FANCL: variants seen among roughly 807,000 people sequenced by gnomAD.
The protein encoded by FANCL is FA complementation group L, also known as E3 ubiquitin-protein ligase FANCL.
FANCL carries 69 observed loss-of-function variants against 59.4 expected under a neutral mutation model. The observed-to-expected ratio is 1.16, with a 90% confidence interval of 0.96 to 1.42. The LOEUF (loss-of-function observed/expected upper bound fraction) is 1.42. Ranked by LOEUF, FANCL falls within the 40% of genes most tolerant of loss-of-function variation. The pLI is 0.00. For missense variants in FANCL, 519 were observed against 447.2 expected, an observed-to-expected ratio of 1.16 and a Z score of -1.45; for synonymous variants, 180 against 147.1, an observed-to-expected ratio of 1.22 and a Z score of -1.62.
chr2:58,190,052 A>C (rs141692533), intron 7 of FANCL, among the ~76,000 whole-genome samples: 2,238 of 152,158 alleles, frequency 0.015, 55 homozygotes, highest in African/African-American at 0.048. Flanking sequence ...GTATCTTTAA[A>C]CAGGTGATAA....
At chr2:58,167,150 T>G (rs941359429) in intron 7 of FANCL, among the ~76,000 whole-genome samples, 2 of 152,164 alleles carry the variant, frequency 1.3e-5, no homozygotes, top group African/African-American at 2.4e-5. Flanking sequence ...AGGCAGAGGT[T>G]GCAGTGGGCC....
chr2:58,219,648 G>A (rs1692278708), intron 5 of FANCL, among the ~76,000 whole-genome samples: 1 of 151,592 alleles, frequency 6.6e-6, no homozygotes, highest in Non-Finnish European at 1.5e-5. Context: ...AAGAATCACA[G>A]GAGAACAAAA....
At chr2:58,233,085 A>G (rs1033134118) in intron 1 of FANCL, among the ~76,000 whole-genome samples, 18 of 152,076 alleles carry the variant, frequency 1.2e-4, no homozygotes, top group African/African-American at 4.1e-4. Context: ...ATGAAACAAA[A>G]TGTACTACTG....
rs1049771958 is a variant in FANCL at position 58,204,313 on chromosome 2, T to C, written c.375-87A>G. On this transcript the variant is annotated intron_variant, in intron 5 of 13. Transcript: ENST00000233741. ...GATGGTTGAATTTGAAATGAAAATA[T>C]TTGCTATATTCCTATTAATCCATTA... 1.9e-5 allele frequency: 18 copies of C among 968,252 alleles called. No individual in the cohort carries two copies. The African/African-American group carries it at 2.1e-4, about 11-fold the overall frequency. The allele number at this position is 968,252 out of a possible 1,614,324, so 60.0% of individuals were successfully genotyped here. A position where few individuals can be genotyped will look rare whatever the true frequency, so the allele number is the denominator to read the frequency against.
chr2:58,193,393 T>C (rs72810371), intron 7 of FANCL, among the ~76,000 whole-genome samples: 8,541 of 152,144 alleles, frequency 0.056, 362 homozygotes, highest in African/African-American at 0.11. Context: ...TCTTCTTTTT[T>C]AGAATCAATA....
At chr2:58,188,097 T>C (rs895974281) in intron 7 of FANCL, among the ~76,000 whole-genome samples, 3 of 152,210 alleles carry the variant, frequency 2.0e-5, no homozygotes, top group Admixed American at 6.5e-5. Context: ...AATTTTTGTA[T>C]ATGGATCGAT....
chr2:58,184,220 A>C (rs1201527416), intron 7 of FANCL, among the ~76,000 whole-genome samples: 1 of 152,086 alleles, frequency 6.6e-6, no homozygotes, highest in Non-Finnish European at 1.5e-5. Flanking sequence ...ATATGATTTA[A>C]TATACAATAA....
At chr2:58,231,698 TAATG>T (rs1049574753) in intron 2 of FANCL, among the ~76,000 whole-genome samples, 9 of 152,198 alleles carry the variant, frequency 5.9e-5, no homozygotes, top group African/African-American at 2.2e-4. Flanking sequence ...TCTTCTCATA[TAATG>T]AATATACACA....
chr2:58,162,497 A>G (rs1685340717), intron 11 of FANCL, among the ~76,000 whole-genome samples: 1 of 150,208 alleles, frequency 6.7e-6, no homozygotes, highest in Non-Finnish European at 1.5e-5. Flanking sequence ...TTATACACAG[A>G]TTTTTTTTTT....
At chr2:58,163,410 A>C (rs759474073) in intron 9 of FANCL, 24 bp downstream of exon 9, 9 of 1,498,862 alleles carry the variant, frequency 6.0e-6, no homozygotes, top group African/African-American at 4.1e-5. Context: ...CTATTAAAAA[A>C]CGTTTAAATC....
chr2:58,223,171 C>T (rs1213437052), intron 4 of FANCL, among the ~76,000 whole-genome samples: 2 of 150,938 alleles, frequency 1.3e-5, no homozygotes, highest in South Asian at 2.1e-4. Context: ...AAAACAGATC[C>T]GTACAGCTGA....
At position 58,161,630 on chromosome 2, in the gene FANCL, A is replaced by G. The variant is rs1225376186; in HGVS notation, c.912T>C (p.Thr304=). ...ARAILEKSDF[T]MDCGICYAYQ... ...AAGCATAACAAATTCCACAATCCAT[A>G]GTAAAATCCTTCAAAAGAAAAATAT... The change falls in exon 12 of 14, where the codon ACT becomes ACC. Residue 304 remains threonine, a synonymous_variant. Coordinates refer to ENST00000233741, the MANE Select transcript of FANCL (RefSeq NM_018062.4). The G allele has an allele frequency of 6.2e-7, 1 of 1,606,332 alleles. No homozygotes were observed. Among genetic ancestry groups the G allele is most frequent in the South Asian group, 1.1e-5 (1 of 90,914 alleles).
At position 58,204,212 on chromosome 2, in the gene FANCL, T is replaced by A; in HGVS notation, c.389A>T (p.Asp130Val). The change falls in exon 6 of 14, where the codon GAT becomes GTT. Residue 130 changes from aspartate to valine, a missense_variant. Transcript: ENST00000233741. ...TLGWDKLVYA[D>V]TCFSTIKLKA... The stretch of plus-strand genomic sequence containing the variant: ...TAACTTGATGGTACTGAAGCAGGTA[T>A]CCGCATACACAAGTCTGGTGAGCAG... 6.2e-7 allele frequency: 1 copy of A among 1,613,082 alleles called. No homozygotes were observed. The highest frequency in any genetic ancestry group is 1.1e-5 in the South Asian group (1 of 91,066).
chr2:58,189,588 T>C (rs1271128692), intron 7 of FANCL, among the ~76,000 whole-genome samples: 1 of 152,138 alleles, frequency 6.6e-6, no homozygotes, highest in South Asian at 2.1e-4. Context: ...TATTAAATTA[T>C]GTTGAGCTAG....
chr2:58,173,643 A>C (rs1686927284), intron 7 of FANCL, among the ~76,000 whole-genome samples: 1 of 152,202 alleles, frequency 6.6e-6, no homozygotes, highest in African/African-American at 2.4e-5. Context: ...GAAGCACTAA[A>C]CATGGAAAGG....
At chr2:58,237,966 A>C (rs1451767556) in intron 1 of FANCL, among the ~76,000 whole-genome samples, 1 of 152,218 alleles carries the variant, frequency 6.6e-6, no homozygotes, top group Non-Finnish European at 1.5e-5. Flanking sequence ...AACACTATAA[A>C]GATCCATGTG....
chr2:58,234,820 A>T (rs753212697), intron 1 of FANCL, among the ~76,000 whole-genome samples: 14 of 152,242 alleles, frequency 9.2e-5, no homozygotes, highest in Non-Finnish European at 2.1e-4. Flanking sequence ...AATGAAATAG[A>T]AAATGTTAAG....
At chr2:58,185,816 C>T (rs1688344887) in intron 7 of FANCL, among the ~76,000 whole-genome samples, 1 of 152,138 alleles carries the variant, frequency 6.6e-6, no homozygotes, top group South Asian at 2.1e-4. Flanking sequence ...CTGTTAGTTC[C>T]ATGACTAGGG....
rs1308409000 is a variant in FANCL, at chr2:58,175,527, CA to C, written c.541-9654del. Among the ~76,000 whole-genome samples the C allele has an allele frequency of 2.4e-4, 37 of 152,134 alleles. No individual in the cohort carries two copies. The East Asian group carries it at 4.4e-3, about 18-fold the overall frequency. On this transcript the variant is annotated intron_variant, in intron 7 of 13. Transcript: ENST00000233741. ...TCCAGCACATAAACAGAACCAAAGA[CA>C]AAAACCACATGATTATCTCAATAGA... is the stretch of plus-strand genomic sequence containing the variant.
Sources: allele counts gnomAD v4.1 joint callset (sites outside exome capture counted in the v4.1 genomes callset), GRCh38; gene constraint gnomAD v4.1.1; transcripts MANE v1.5; gene names NCBI Gene and HGNC (gene_info 2026-07-23, HGNC 2026-07-21).